Variants in ANKRD26 observed in about 807,000 individuals in gnomAD.
ANKRD26 encodes ankyrin repeat domain-containing protein 26.
Under a neutral mutation model 208.7 loss-of-function variants are expected in ANKRD26, and 141 were observed. That is an observed-to-expected ratio of 0.68 (90% CI 0.59 to 0.78). The LOEUF is 0.78. Ranked by LOEUF, ANKRD26 falls within the 30% of genes least tolerant of loss-of-function variation. The probability of loss-of-function intolerance (pLI) is 0.00; values close to 1 mark genes in which losing one functional copy is unlikely to be tolerated. For synonymous variants in ANKRD26, 636 were observed against 660.4 expected (o/e 0.96, Z 0.57); for missense variants, 1,889 against 1,938.7 (o/e 0.97, Z 0.48).
chr10:27,062,213 G>A (rs1456303291), intron 12 of ANKRD26: 1 of 978,292 alleles, frequency 1.0e-6, no homozygotes, highest in African/African-American at 1.8e-5. Context: ...TTTAACAATA[G>A]TTATCTTATA....
At position 27,052,742 on chromosome 10, in the gene ANKRD26, G is replaced by C. The variant is rs140882248; in HGVS notation, c.1635+578C>G. Among the ~76,000 whole-genome samples, 745 of 152,140 alleles carry C rather than the reference G, an allele frequency of 4.9e-3. 9 individuals carry two copies. The highest frequency in any genetic ancestry group is 0.017 in the African/African-American group (708 of 41,534). On this transcript the variant is annotated intron_variant, in intron 16 of 33. Transcript: ENST00000376087. ...AGTTATTGTGTATATCCTAACAATG[G>C]AAAGATCCCATTCTGAAAGGAATGA... is the stretch of plus-strand genomic sequence containing the variant.
chr10:26,968,613 T>C, the ANKRD26 span, among the ~76,000 whole-genome samples: 3 of 152,188 alleles, frequency 2.0e-5, no homozygotes, highest in African/African-American at 7.2e-5. Flanking sequence ...ACAGTTTCAG[T>C]TGAATTGTCT....
intron 30 of ANKRD26, among the ~76,000 whole-genome samples, chr10:27,015,108 A>G (rs1297901436): frequency 6.6e-6 from 1 of 152,246 alleles, no homozygotes; most frequent in Non-Finnish European, 1.5e-5. Context: ...CGAATGAAAA[A>G]TCTTATAAAA....
At chr10:27,064,148 A>G in intron 11 of ANKRD26, 67 bp from the exon 12 acceptor site, 2 of 1,119,118 alleles carry the variant, frequency 1.8e-6, no homozygotes, top group East Asian at 2.4e-5. Flanking sequence ...AAGATTTTCT[A>G]ATCACTTTCA....
chr10:27,041,515 T>C (rs1048829488), intron 20 of ANKRD26, among the ~76,000 whole-genome samples: 2 of 151,984 alleles, frequency 1.3e-5, no homozygotes, highest in African/African-American at 4.8e-5. Flanking sequence ...AAAAGCAATA[T>C]AGGAAAAAGT....
At chr10:26,971,675 C>CAAAAAAAAAAAA (rs1170237211), downstream of ANKRD26, among the ~76,000 whole-genome samples, 1 of 89,448 alleles carries the variant, frequency 1.1e-5, no homozygotes, top group East Asian at 3.2e-4. Flanking sequence ...GACCATGTCT[C>CAAAAAAAAAAAA]AAAAAAAAAA....
chr10:27,007,556 G>A (rs968191950), intron 32 of ANKRD26, among the ~76,000 whole-genome samples: 4 of 152,084 alleles, frequency 2.6e-5, no homozygotes, highest in African/African-American at 4.8e-5. Context: ...CTTGGGAGGC[G>A]GAGGCAGGAG....
At chr10:27,066,272 G>T in intron 11 of ANKRD26, 1 of 361,438 alleles carries the variant, frequency 2.8e-6, no homozygotes, top group Non-Finnish European at 4.9e-6. Flanking sequence ...ATCCTTCACT[G>T]GATTCTTAAA....
intron 29 of ANKRD26, among the ~76,000 whole-genome samples, chr10:27,022,353 A>C (rs2053517379): frequency 6.6e-6 from 1 of 152,186 alleles, no homozygotes; most frequent in African/African-American, 2.4e-5. Context: ...TAATCTGTTT[A>C]ACAAACACCC....
chr10:27,000,144 T>A (rs182139149), downstream of ANKRD26, among the ~76,000 whole-genome samples: 1 of 152,234 alleles, frequency 6.6e-6, no homozygotes, highest in Admixed American at 6.5e-5. Context: ...GATCTTACAA[T>A]TGCTTTGTGA....
chr10:26,962,687 G>T, the ANKRD26 span, among the ~76,000 whole-genome samples: 1 of 152,184 alleles, frequency 6.6e-6, no homozygotes, highest in Non-Finnish European at 1.5e-5. Flanking sequence ...GTTCAAGGTT[G>T]CAGTGAGCTG....
At chr10:26,956,931 G>A in the ANKRD26 span, among the ~76,000 whole-genome samples, 1 of 152,210 alleles carries the variant, frequency 6.6e-6, no homozygotes. Context: ...ATCAGAAGAT[G>A]TTTATAGATT....
intron 13 of ANKRD26, among the ~76,000 whole-genome samples, chr10:27,060,904 T>C (rs949925815): frequency 6.6e-6 from 1 of 152,220 alleles, no homozygotes; most frequent in African/African-American, 2.4e-5. Flanking sequence ...ATGTCAAGGC[T>C]GATGGTAAAA....
intron 3 of ANKRD26, among the ~76,000 whole-genome samples, chr10:26,983,609 T>C (rs1420121169): frequency 6.6e-6 from 1 of 152,152 alleles, no homozygotes; most frequent in African/African-American, 2.4e-5. Flanking sequence ...TTTAGCTGAG[T>C]TGGCCAAATG....
In ANKRD26 at chr10:27,006,938, T is replaced by A. The variant is rs569671117; in HGVS notation, c.4978A>T (p.Ile1660Leu). ...ATACCTTCTTTGAGTTCTCTAGTTA[T>A]ATTTTTTTCCAACTCCTGCTGCATC... ...SKMQQELEKN[I>L]TRELKEAAAE... Residue 1660 changes from isoleucine (I) to leucine (L), a missense_variant, in exon 33 of 34, where the codon ATA (isoleucine) becomes TTA (leucine). This residue lies in a region of ANKRD26 where 613 missense variants were observed against 648.2 expected (regional missense o/e 0.95). Transcript: ENST00000376087. The A allele has an allele frequency of 3.1e-6, 5 of 1,610,248 alleles. No individual in the cohort carries two copies. In the South Asian group the frequency reaches 5.5e-5, roughly 18 times the overall value.
At chr10:26,972,173 T>A (rs1275891454), downstream of ANKRD26, among the ~76,000 whole-genome samples, 6 of 149,100 alleles carry the variant, frequency 4.0e-5, 1 homozygote, top group East Asian at 1.2e-3. Flanking sequence ...AGGCGGAGCT[T>A]GCAGTGAGCC....
At chr10:27,079,273 TGAAAG>T in intron 6 of ANKRD26, 112 bp from the exon 7 acceptor site, 1 of 811,220 alleles carries the variant, frequency 1.2e-6, no homozygotes, top group South Asian at 1.5e-5. Flanking sequence ...AAAAACCTGG[TGAAAG>T]GTCAACTGTC....
chr10:27,014,630 T>C lies in ANKRD26; in HGVS notation c.4588A>G (p.Ile1530Val), dbSNP rs1361723912. The change falls in exon 31 of 34, where the codon ATT (isoleucine) becomes GTT (valine). Residue 1530 changes from isoleucine (I) to valine (V), a missense_variant. Physicochemically the swap from Ile to Val is conservative, Grantham distance 29. Coordinates refer to ENST00000376087, the MANE Select transcript of ANKRD26 (RefSeq NM_014915.3). ...ASMKSQMELR[I>V]KDLESELSKI... ...GAGAGTTCAGATTCCAGATCTTTAA[T>C]TCTGAGTTCCATCTGACTTTTCATT... The C allele has an allele frequency of 6.2e-6, 10 of 1,613,136 alleles. No homozygotes were observed. Among genetic ancestry groups the C allele is most frequent in the Non-Finnish European group, 6.8e-6 (8 of 1,179,680 alleles).
At chr10:27,077,729 A>T (rs1414902290) in intron 7 of ANKRD26, 36 bp from the exon 8 acceptor site, 1 of 1,540,132 alleles carries the variant, frequency 6.5e-7, no homozygotes, top group Non-Finnish European at 8.9e-7. Flanking sequence ...AGTTTTAAAA[A>T]AACAAGTATC....
Sources: gnomAD v4.1 joint callset for allele counts (sites outside exome capture counted in the v4.1 genomes callset) on GRCh38, gnomAD v4.1.1 for gene constraint, gnomAD v4.1.1 regional missense constraint, MANE v1.5 for transcripts, NCBI Gene and HGNC (gene_info 2026-07-23, HGNC 2026-07-21) for gene names.